The following CDH13 variants were observed in gnomAD, a reference collection of about 807,000 sequenced individuals.
CDH13 encodes the protein cadherin-13.
CDH13 carries 24 observed loss-of-function variants against 63.8 expected under a neutral mutation model. The observed-to-expected ratio is 0.38, with a 90% CI of 0.27 to 0.53. The LOEUF (loss-of-function observed/expected upper bound fraction) is 0.53, where lower values mean the gene tolerates loss of function less well. Among genes scored for constraint, CDH13 ranks in the 20% least tolerant of loss-of-function variants. CDH13 has a pLI of 0.85. For synonymous variants in CDH13, 503 were observed against 355.3 expected (o/e 1.42, Z -4.67); for missense variants, 1,049 against 903.1 (o/e 1.16, Z -2.07).
At chr16:82,686,209 T>C (rs1220278080) in intron 1 of CDH13, among the ~76,000 whole-genome samples, 2 of 152,212 alleles carry the variant, frequency 1.3e-5, no homozygotes, top group Non-Finnish European at 2.9e-5. Context: ...GATCATACAA[T>C]TTCTAATTCA....
chr16:83,209,744 C>G (rs2039285979), intron 4 of CDH13, among the ~76,000 whole-genome samples: 1 of 152,026 alleles, frequency 6.6e-6, no homozygotes, highest in Non-Finnish European at 1.5e-5. Context: ...AAGGTGCTCC[C>G]CTAGCTTTAA....
intron 2 of CDH13, among the ~76,000 whole-genome samples, chr16:83,008,001 C>A (rs756874757): frequency 5.9e-5 from 9 of 152,086 alleles, no homozygotes; most frequent in Non-Finnish European, 1.0e-4. Context: ...TTTCATTCAT[C>A]ATTAAGTGAT....
At chr16:83,240,781 C>G (rs1221097836) in intron 5 of CDH13, among the ~76,000 whole-genome samples, 1 of 114,368 alleles carries the variant, frequency 8.7e-6, no homozygotes, top group Non-Finnish European at 1.6e-5. Context: ...AAGCTGGCTT[C>G]TAACTCCTGT....
intron 1 of CDH13, among the ~76,000 whole-genome samples, chr16:82,650,731 T>G (rs1476644929): frequency 1.3e-5 from 2 of 152,198 alleles, no homozygotes; most frequent in Non-Finnish European, 2.9e-5. Flanking sequence ...TCATGAAACC[T>G]GCCAAAGAAG....
intron 3 of CDH13, among the ~76,000 whole-genome samples, chr16:83,056,051 C>T (rs2030895592): frequency 6.6e-6 from 1 of 152,118 alleles, no homozygotes; most frequent in East Asian, 1.9e-4. Context: ...AAATATTTAA[C>T]AGGCTTTTAA....
intron 1 of CDH13, among the ~76,000 whole-genome samples, chr16:82,750,587 G>A (rs981473695): frequency 7.2e-5 from 11 of 152,158 alleles, no homozygotes; most frequent in Admixed American, 7.2e-4. Context: ...GCCCATTTTT[G>A]TTCACCATTC....
chr16:83,044,612 T>A (rs1471481642), intron 3 of CDH13, among the ~76,000 whole-genome samples: 2 of 152,240 alleles, frequency 1.3e-5, no homozygotes, highest in Non-Finnish European at 2.9e-5. Flanking sequence ...TGCGTTTATA[T>A]TTTTAAAACT....
chr16:82,972,082 G>T (rs1908839502), intron 2 of CDH13, among the ~76,000 whole-genome samples: 1 of 152,204 alleles, frequency 6.6e-6, no homozygotes, highest in Non-Finnish European at 1.5e-5. Flanking sequence ...TCAGAAGAGA[G>T]TCTACCCAAG....
At chr16:83,505,831 C>T (rs2074382989) in intron 7 of CDH13, among the ~76,000 whole-genome samples, 1 of 152,132 alleles carries the variant, frequency 6.6e-6, no homozygotes, top group African/African-American at 2.4e-5. Context: ...TAAAGAGATC[C>T]AGGAAGCAGA....
chr16:82,966,181 G>A (rs554292932), intron 2 of CDH13, among the ~76,000 whole-genome samples: 6 of 152,090 alleles, frequency 3.9e-5, no homozygotes, highest in Non-Finnish European at 7.4e-5. Context: ...CAAAGACTCG[G>A]TCTGTCGCCC....
rs77186876 is a variant in CDH13 at position 83,451,906 on chromosome 16, G to T, written c.782-34571G>T. Among the ~76,000 whole-genome samples, 97 of 152,290 alleles carry T rather than the reference G, an allele frequency of 6.4e-4. No homozygotes were observed. In the East Asian group the frequency reaches 0.018, roughly 28 times the overall value. ...ATATTCGAGGTTAATTTAAAATGGA[G>T]CCTTCAGTGCATCTGGTATGTGTGT... On this transcript the variant is annotated intron_variant, in intron 6 of 13. Coordinates refer to ENST00000567109, the MANE Select transcript of CDH13 (RefSeq NM_001257.5).
At chr16:82,828,469 C>T (rs923644247) in intron 1 of CDH13, among the ~76,000 whole-genome samples, 1 of 152,064 alleles carries the variant, frequency 6.6e-6, no homozygotes, top group Non-Finnish European at 1.5e-5. Context: ...ATAGAAACCT[C>T]AGCTAGGAGT....
At chr16:83,746,108 G>A (rs532917608) in intron 10 of CDH13, among the ~76,000 whole-genome samples, 2 of 152,270 alleles carry the variant, frequency 1.3e-5, no homozygotes, top group South Asian at 2.1e-4. Context: ...GTAATGCCAC[G>A]GTAACAAAGT....
At chr16:82,699,481 A>G (rs780446378) in intron 1 of CDH13, among the ~76,000 whole-genome samples, 36 of 152,232 alleles carry the variant, frequency 2.4e-4, no homozygotes, top group Non-Finnish European at 5.0e-4. Context: ...GCCGATTCCC[A>G]GGTCCCATTT....
At chr16:83,610,721 G>C (rs989916934) in intron 8 of CDH13, among the ~76,000 whole-genome samples, 2 of 152,092 alleles carry the variant, frequency 1.3e-5, no homozygotes, top group African/African-American at 4.8e-5. Context: ...TACTACATGT[G>C]GGCATTTGGG....
intron 1 of CDH13, among the ~76,000 whole-genome samples, chr16:82,760,257 G>A (rs540634917): frequency 7.2e-5 from 11 of 152,162 alleles, no homozygotes; most frequent in African/African-American, 2.2e-4. Flanking sequence ...ACATAGTACC[G>A]CCCCCGCAAA....
At chr16:83,644,980 C>T (rs1911655737) in intron 8 of CDH13, among the ~76,000 whole-genome samples, 1 of 152,160 alleles carries the variant, frequency 6.6e-6, no homozygotes, top group African/African-American at 2.4e-5. Context: ...GGACTTCAAA[C>T]CTACAAGCTC....
intron 1 of CDH13, among the ~76,000 whole-genome samples, chr16:82,732,156 C>T (rs1003467809): frequency 2.6e-5 from 4 of 152,158 alleles, no homozygotes; most frequent in Non-Finnish European, 5.9e-5. Flanking sequence ...TTCCTTTTTA[C>T]CAAAAGACTG....
chr16:82,712,960 C>G (rs548489013), intron 1 of CDH13, among the ~76,000 whole-genome samples: 2 of 152,222 alleles, frequency 1.3e-5, no homozygotes, highest in African/African-American at 4.8e-5. Flanking sequence ...CAAGGAATTT[C>G]TCTCTATTGA....
Sources: allele counts gnomAD v4.1 joint callset (sites outside exome capture counted in the v4.1 genomes callset), GRCh38; gene constraint gnomAD v4.1.1; transcripts MANE v1.5; gene names NCBI Gene and HGNC (gene_info 2026-07-23, HGNC 2026-07-21).